The following LARS1 variants were observed in gnomAD, a reference collection of about 807,000 sequenced individuals.
LARS1 encodes leucyl-tRNA synthetase 1, also known as leucine--tRNA ligase, cytoplasmic.
Under a neutral mutation model 162.8 loss-of-function variants are expected in LARS1, and 100 were observed. The ratio of observed to expected loss-of-function variants is 0.61; its 90% CI spans 0.52 to 0.73. The LOEUF is 0.73. Among genes scored for constraint, LARS1 ranks in the 30% least tolerant of loss-of-function variants. LARS1 has a pLI of 0.00. For synonymous variants in LARS1, 457 were observed against 462.8 expected, an observed-to-expected ratio of 0.99 and a Z score of 0.16; for missense variants, 1,258 against 1,408.9, an observed-to-expected ratio of 0.89 and a Z score of 1.71.
chr5:146,151,884 T>C lies in LARS1; in HGVS notation c.1403A>G (p.Tyr468Cys). The change falls in exon 14 of 32, where the codon TAT becomes TGT. Residue 468 changes from tyrosine (Y) to cysteine (C), a missense_variant. Transcript: ENST00000394434. ...EKLAEAKEKI[Y>C]LKGFYEGIML... ...TACACCCTCATAAAATCCTTTTAGA[T>C]ATATCTTCTCCTTTGCTTCTGCAAG... 1.2e-6 allele frequency: 2 copies of C among 1,613,902 alleles called. No homozygotes were observed. The highest frequency in any genetic ancestry group is 1.7e-6 in the Non-Finnish European group (2 of 1,179,906).
chr5:146,140,307 G>A, intron 20 of LARS1, 46 bp from the exon 21 acceptor site: 1 of 1,498,066 alleles, frequency 6.7e-7, no homozygotes, highest in Non-Finnish European at 9.3e-7. Flanking sequence ...AAACAAAGAT[G>A]ATAGTTCTGG....
At chr5:146,132,741 T>C in intron 23 of LARS1, 157 bp downstream of exon 23, 2 of 563,492 alleles carry the variant, frequency 3.5e-6, no homozygotes, top group Non-Finnish European at 6.0e-6. Context: ...ATACTTAGCA[T>C]AGTACCCGGC....
intron 4 of LARS1, 105 bp from the exon 5 acceptor site, chr5:146,168,370 A>C: frequency 4.0e-6 from 5 of 1,241,488 alleles, no homozygotes; most frequent in Admixed American, 2.4e-5. Flanking sequence ...AATTTTTTGC[A>C]ATATATTGAT....
At chr5:146,166,052 AT>A (rs2126561879) in intron 5 of LARS1, among the ~76,000 whole-genome samples, 1 of 152,334 alleles carries the variant, frequency 6.6e-6, no homozygotes, top group South Asian at 2.1e-4. Context: ...ACATAAATAT[AT>A]TTCCTTGCTC....
At chr5:146,118,342 T>C (rs919202694) in intron 31 of LARS1, among the ~76,000 whole-genome samples, 1 of 152,082 alleles carries the variant, frequency 6.6e-6, no homozygotes, top group Non-Finnish European at 1.5e-5. Context: ...AATAGAATCA[T>C]GGTTATCAGA....
intron 23 of LARS1, chr5:146,132,432 T>C (rs1752326895): frequency 6.5e-6 from 1 of 153,222 alleles, no homozygotes; most frequent in African/African-American, 2.4e-5. Context: ...TCATTCATCT[T>C]TATAATACCA....
At position 146,114,249 on chromosome 5, in the gene LARS1, CA is replaced by C; in HGVS notation, c.3387del (p.Val1130SerfsTer23). On this transcript the variant is annotated frameshift_variant, in exon 32 of 32. Transcript: ENST00000394434. LOFTEE classifies it high-confidence loss of function. ...TTCTCGGTGTACTCCTTTCCCAGGA[CA>C]GGAACTCGTCGAGGCCCCAACAGTG... ...DDPLLGPRRV[P>X]VLGKEYTEKT... is the part of the protein sequence containing the mutation. 6.2e-7 allele frequency: 1 copy of C among 1,613,850 alleles called. No individual in the cohort carries two copies. Among genetic ancestry groups the C allele is most frequent in the Non-Finnish European group, 8.5e-7 (1 of 1,179,960 alleles).
intron 21 of LARS1, chr5:146,137,859 C>T (rs1339968277): frequency 4.3e-6 from 1 of 234,762 alleles, no homozygotes. Context: ...GGCATGGTGG[C>T]TCACATCTGC....
chr5:146,151,328 C>G (rs1753280032), intron 14 of LARS1, among the ~76,000 whole-genome samples: 1 of 152,142 alleles, frequency 6.6e-6, no homozygotes, highest in African/African-American at 2.4e-5. Context: ...TCTGAAGCAC[C>G]TAATAACTTG....
chr5:146,172,010 T>C lies in LARS1; in HGVS notation c.214-20A>G, dbSNP rs1407180494. On this transcript the variant is annotated intron_variant, in intron 3 of 31. Transcript: ENST00000394434. ...AGCAAACTACAGAAATAAAATTAAATTTAAATTGCAAATTTAAATGCCAGA... is the reference window on the plus strand; with the variant it reads ...AGCAAACTACAGAAATAAAATTAAACTTAAATTGCAAATTTAAATGCCAGA... The C allele has an allele frequency of 2.0e-5, 31 of 1,584,290 alleles. No individual in the cohort carries two copies. Among genetic ancestry groups the C allele is most frequent in the Non-Finnish European group, 2.6e-5 (30 of 1,157,358 alleles).
intron 15 of LARS1, among the ~76,000 whole-genome samples, chr5:146,148,451 T>A (rs1753117711): frequency 6.6e-6 from 1 of 152,202 alleles, no homozygotes; most frequent in Non-Finnish European, 1.5e-5. Context: ...GTATTTTAAT[T>A]AAGAATGTTT....
intron 6 of LARS1, among the ~76,000 whole-genome samples, chr5:146,163,481 T>C (rs1753867003): frequency 6.6e-6 from 1 of 151,224 alleles, no homozygotes; most frequent in Admixed American, 6.6e-5. Context: ...AGGTCAGGAG[T>C]TCAAGAACAG....
chr5:146,167,117 G>A (rs62373798), intron 5 of LARS1, among the ~76,000 whole-genome samples: 33,884 of 152,022 alleles, frequency 0.22, 4,836 homozygotes, highest in Admixed American at 0.34. Context: ...AGAAGAAAAC[G>A]AAAGACAGAA....
At chr5:146,126,195 G>A (rs1270384997) in intron 28 of LARS1, among the ~76,000 whole-genome samples, 5 of 151,996 alleles carry the variant, frequency 3.3e-5, no homozygotes, top group Non-Finnish European at 5.9e-5. Flanking sequence ...AATATGAAGG[G>A]AATAGTTCAG....
intron 28 of LARS1, 74 bp downstream of exon 28, chr5:146,126,361 C>A: frequency 2.3e-6 from 2 of 858,438 alleles, no homozygotes; most frequent in Non-Finnish European, 1.9e-6. Flanking sequence ...ATGTCCAAGG[C>A]TTTTCCCCAT....
intron 21 of LARS1, among the ~76,000 whole-genome samples, chr5:146,139,238 G>A (rs1384584441): frequency 6.6e-6 from 1 of 151,700 alleles, no homozygotes; most frequent in Non-Finnish European, 1.5e-5. Context: ...AGCTACTCAG[G>A]AGGCTGAGGC....
At chr5:146,140,083 A>T in intron 21 of LARS1, 121 bp downstream of exon 21, 1 of 746,408 alleles carries the variant, frequency 1.3e-6, no homozygotes, top group Non-Finnish European at 2.3e-6. Flanking sequence ...CTGGAATTAC[A>T]GGCATGAGGC....
chr5:146,159,128 C>A (rs533866550), intron 8 of LARS1, among the ~76,000 whole-genome samples: 51 of 151,950 alleles, frequency 3.4e-4, no homozygotes, highest in Non-Finnish European at 5.6e-4. Flanking sequence ...TGGGCCCCAC[C>A]CCCAGAACTT....
chr5:146,144,597 G>T (rs1247783541), intron 16 of LARS1, 27 bp downstream of exon 16: 1 of 1,612,706 alleles, frequency 6.2e-7, no homozygotes, highest in East Asian at 2.2e-5. Flanking sequence ...ATTGACTAGG[G>T]GAATTTTCTT....
Sources: allele counts gnomAD v4.1 joint callset (sites outside exome capture counted in the v4.1 genomes callset), GRCh38; gene constraint gnomAD v4.1.1; transcripts MANE v1.5; gene names NCBI Gene and HGNC (gene_info 2026-07-23, HGNC 2026-07-21).